Variants in WRN observed in about 807,000 individuals in gnomAD.
The protein encoded by WRN is WRN RecQ like helicase, also known as bifunctional 3'-5' exonuclease/ATP-dependent helicase WRN.
WRN carries 149 observed loss-of-function variants against 180.7 expected under a neutral mutation model. That is an observed-to-expected ratio of 0.82 (90% CI 0.72 to 0.94). The LOEUF is 0.94. Ranked by LOEUF, WRN falls within the 40% of genes least tolerant of loss-of-function variation. The pLI, the probability that WRN is intolerant of heterozygous loss-of-function variation, is 0.00. For synonymous variants in WRN, 548 were observed against 568.9 expected (o/e 0.96, Z 0.52); for missense variants, 1,661 against 1,700.1 (o/e 0.98, Z 0.40).
intron 1 of WRN, among the ~76,000 whole-genome samples, chr8:31,056,947 T>G (rs1007893081): frequency 6.6e-6 from 1 of 151,960 alleles, no homozygotes; most frequent in African/African-American, 2.4e-5. Flanking sequence ...TACTGGGAAC[T>G]TTGGTGGAGA....
At chr8:31,101,484 T>A (rs11574276) in intron 18 of WRN, among the ~76,000 whole-genome samples, 24,196 of 152,020 alleles carry the variant, frequency 0.16, 2,076 homozygotes, top group South Asian at 0.25. Context: ...TCTTCCCTAA[T>A]TATAAAAAAT....
chr8:31,141,408 C>T (rs1802622455), intron 24 of WRN, 22 bp from the exon 25 acceptor site: 1 of 1,613,452 alleles, frequency 6.2e-7, no homozygotes, highest in African/African-American at 1.3e-5. Flanking sequence ...TTTTTAGATA[C>T]TGATTTTATT....
intron 34 of WRN, among the ~76,000 whole-genome samples, chr8:31,172,400 G>A (rs11574405): frequency 0.027 from 4,048 of 152,232 alleles, 181 homozygotes; most frequent in African/African-American, 0.089. Flanking sequence ...TGTTGTGCAC[G>A]TGTATGTTTC....
intron 17 of WRN, 123 bp downstream of exon 17, chr8:31,096,973 ATC>A: frequency 1.1e-6 from 1 of 899,416 alleles, no homozygotes; most frequent in Non-Finnish European, 1.8e-6. Flanking sequence ...CCTCCAGGAA[ATC>A]TCTGACTCTC....
intron 7 of WRN, among the ~76,000 whole-genome samples, chr8:31,072,388 A>G (rs1812945166): frequency 6.6e-6 from 1 of 152,216 alleles, no homozygotes; most frequent in South Asian, 2.1e-4. Flanking sequence ...AGCATATGCT[A>G]TTCAAACAGA....
At chr8:31,148,117 G>A (rs1389589259) in intron 30 of WRN, among the ~76,000 whole-genome samples, 1 of 151,986 alleles carries the variant, frequency 6.6e-6, no homozygotes, top group Non-Finnish European at 1.5e-5. Context: ...GAACTCCTAA[G>A]CTCAAGCAAT....
intron 9 of WRN, among the ~76,000 whole-genome samples, chr8:31,082,564 T>A (rs1813357625): frequency 6.6e-6 from 1 of 152,160 alleles, no homozygotes; most frequent in African/African-American, 2.4e-5. Flanking sequence ...TTAAGTGATA[T>A]GTTTCATATA....
At position 31,103,884 on chromosome 8, in the gene WRN, G is replaced by A. The variant is rs185613937; in HGVS notation, c.2088+2929G>A. Among the ~76,000 whole-genome samples, 701 of 152,086 alleles carry A rather than the reference G, an allele frequency of 4.6e-3. 6 individuals are homozygous for A. Among genetic ancestry groups the A allele is most frequent in the African/African-American group, 0.015 (637 of 41,496 alleles). On this transcript the variant is annotated intron_variant, in intron 18 of 34. Coordinates refer to ENST00000298139, the MANE Select transcript of WRN (RefSeq NM_000553.6). ...CGAGTAGCTGAGACTACAGGCGCCC[G>A]CCACTGTGCCCGGCTAATTTTTTGT...
intron 33 of WRN, among the ~76,000 whole-genome samples, chr8:31,158,139 A>G (rs2130484052): frequency 6.6e-6 from 1 of 152,168 alleles, no homozygotes; most frequent in East Asian, 1.9e-4. Context: ...ACTTGCAAAA[A>G]CCATATTTTT....
At chr8:31,141,842 T>C (rs957899241) in intron 26 of WRN, 67 bp downstream of exon 26, 7 of 1,451,300 alleles carry the variant, frequency 4.8e-6, no homozygotes, top group Non-Finnish European at 5.7e-6. Flanking sequence ...ATTCAAATTA[T>C]ACCAGTTTAT....
chr8:31,048,785 C>T (rs191783545), intron 1 of WRN, among the ~76,000 whole-genome samples: 110 of 152,246 alleles, frequency 7.2e-4, no homozygotes, highest in Admixed American at 1.8e-3. Flanking sequence ...GACAACCAAA[C>T]GGAATTGCTG....
rs146299635 is a variant in WRN, at chr8:31,082,086, A to C, written c.1269+790A>C. The stretch of plus-strand genomic sequence containing the variant: ...CAGAATTTCTTTACTTGCTCATGTG[A>C]GAGAGTTTCTAATAAACTCCTGATG... On this transcript the variant is annotated intron_variant, in intron 9 of 34. Transcript: ENST00000298139. 3.7e-3 allele frequency among the ~76,000 whole-genome samples: 561 copies of C among 152,232 alleles called. 5 individuals are homozygous for C. The highest frequency in any genetic ancestry group is 0.013 in the African/African-American group (530 of 41,542).
intron 9 of WRN, 92 bp downstream of exon 9, chr8:31,081,388 T>G (rs1813306423): frequency 3.7e-6 from 5 of 1,366,562 alleles, no homozygotes; most frequent in Non-Finnish European, 5.1e-6. Context: ...TATTTTAGGC[T>G]TTGTGGGACA....
intron 1 of WRN, among the ~76,000 whole-genome samples, chr8:31,042,992 C>T (rs544093398): frequency 1.3e-5 from 2 of 152,216 alleles, no homozygotes; most frequent in Non-Finnish European, 2.9e-5. Flanking sequence ...ACAAGAGTGT[C>T]TTCAGTTGCA....
In WRN at chr8:31,116,536, G is replaced by C. The variant is rs1377130025; in HGVS notation, c.2448+8G>C. 1.9e-6 allele frequency: 3 copies of C among 1,613,332 alleles called. No homozygotes were observed. Among genetic ancestry groups the C allele is most frequent in the Non-Finnish European group, 2.5e-6 (3 of 1,179,768 alleles). On this transcript the variant is annotated splice_region_variant and intron_variant, in intron 20 of 34. Coordinates refer to ENST00000298139, the MANE Select transcript of WRN (RefSeq NM_000553.6). Reference sequence around the variant, plus strand: ...GTAAGAGATGAAATTCAGGTATGAGGATCAATCATCATTGCTCTCCGTTGC... The same window carrying C: ...GTAAGAGATGAAATTCAGGTATGAGCATCAATCATCATTGCTCTCCGTTGC...
At chr8:31,133,628 G>T (rs542155213) in intron 24 of WRN, among the ~76,000 whole-genome samples, 31 of 152,172 alleles carry the variant, frequency 2.0e-4, no homozygotes, top group Non-Finnish European at 3.8e-4. Context: ...GATGTTTTTA[G>T]ATTCTAAATG....
At chr8:31,141,214 C>A (rs1490973935) in intron 24 of WRN, among the ~76,000 whole-genome samples, 1 of 152,086 alleles carries the variant, frequency 6.6e-6, no homozygotes, top group Non-Finnish European at 1.5e-5. Context: ...GTGAAATTTC[C>A]TGCCATTATT....
rs769756672 is a variant in WRN, at chr8:31,141,565, A to G, written c.3103A>G (p.Asn1035Asp). 3.7e-6 allele frequency: 6 copies of G among 1,614,178 alleles called. No homozygotes were observed. The Admixed American group carries it at 8.3e-5, about 22-fold the overall frequency. ...ATTCTTGGTAGAAGTTTCTCGGTAT[A>G]ACAAATTTATGAAGATTTGCGCCCT... ...EGFLVEVSRY[N>D]KFMKICALTK... Residue 1035 changes from asparagine to aspartate, a missense_variant, in exon 25 of 35, where the codon AAC becomes GAC. Asn to Asp is a conservative substitution (Grantham distance 23). Coordinates refer to ENST00000298139, the MANE Select transcript of WRN (RefSeq NM_000553.6).
chr8:31,093,391 G>A (rs1393722592), intron 16 of WRN, among the ~76,000 whole-genome samples: 4 of 152,038 alleles, frequency 2.6e-5, no homozygotes, highest in Admixed American at 6.5e-5. Flanking sequence ...GTGAACCACC[G>A]CACCTGATGC....
Sources: gnomAD v4.1 joint callset for allele counts (sites outside exome capture counted in the v4.1 genomes callset) on GRCh38, gnomAD v4.1.1 for gene constraint, MANE v1.5 for transcripts, NCBI Gene and HGNC (gene_info 2026-07-23, HGNC 2026-07-21) for gene names.